The following TP63 variants were observed in gnomAD, a reference collection of about 807,000 sequenced individuals.
The protein encoded by TP63 is tumor protein p63, also known as tumor protein 63.
TP63 carries 17 observed loss-of-function variants against 82.8 expected under a neutral mutation model. The observed-to-expected ratio is 0.21, with a 90% CI of 0.14 to 0.31. The LOEUF (loss-of-function observed/expected upper bound fraction) is 0.31, where lower values mean the gene tolerates loss of function less well. Ranked by LOEUF, TP63 falls within the 10% of genes least tolerant of loss-of-function variation. TP63 has a pLI of 1.00. For synonymous variants in TP63, 330 were observed against 321.7 expected, an observed-to-expected ratio of 1.03 and a Z score of -0.28; for missense variants, 648 against 895.3, an observed-to-expected ratio of 0.72 and a Z score of 3.52.
intron 1 of TP63, among the ~76,000 whole-genome samples, chr3:189,676,869 A>G (rs1246955945): frequency 6.6e-6 from 1 of 152,030 alleles, no homozygotes; most frequent in Non-Finnish European, 1.5e-5. Flanking sequence ...CCACCCCCCA[A>G]CATCAGTGGA....
intron 10 of TP63, among the ~76,000 whole-genome samples, chr3:189,874,432 AC>A (rs1718797617): frequency 6.6e-6 from 1 of 152,168 alleles, no homozygotes; most frequent in Non-Finnish European, 1.5e-5. Flanking sequence ...CTTTCTGAGC[AC>A]CTGTTATCTA....
At chr3:189,674,894 G>A (rs1384992709) in intron 1 of TP63, among the ~76,000 whole-genome samples, 1 of 152,070 alleles carries the variant, frequency 6.6e-6, no homozygotes, top group Non-Finnish European at 1.5e-5. Context: ...GTAAAAACGG[G>A]TTAGGTTTTC....
chr3:189,832,066 A>G (rs1410353924), intron 4 of TP63, among the ~76,000 whole-genome samples: 1 of 151,986 alleles, frequency 6.6e-6, no homozygotes, highest in African/African-American at 2.4e-5. Context: ...GCCTGACCTC[A>G]TCATCCACCT....
chr3:189,763,939 T>C (rs1284271492), intron 3 of TP63, among the ~76,000 whole-genome samples: 1 of 152,092 alleles, frequency 6.6e-6, no homozygotes, highest in African/African-American at 2.4e-5. Context: ...ATAAATTATA[T>C]GGGAATAAAC....
chr3:189,655,520 G>A (rs1164092517), intron 1 of TP63, among the ~76,000 whole-genome samples: 2 of 152,176 alleles, frequency 1.3e-5, no homozygotes, highest in East Asian at 3.9e-4. Context: ...TACTTGGGAG[G>A]CTGAGGAAAG....
intron 1 of TP63, among the ~76,000 whole-genome samples, chr3:189,661,073 T>G (rs903587080): frequency 6.6e-6 from 1 of 152,068 alleles, no homozygotes; most frequent in African/African-American, 2.4e-5. Flanking sequence ...ATTTCTCTCT[T>G]GCCTGATTGC....
At chr3:189,610,596 A>G in the TP63 span, among the ~76,000 whole-genome samples, 6 of 152,328 alleles carry the variant, frequency 3.9e-5, no homozygotes, top group African/African-American at 1.2e-4. Context: ...AAAGCCATTC[A>G]TCAAGTCTCT....
At chr3:189,722,471 A>G (rs1258119181) in intron 1 of TP63, among the ~76,000 whole-genome samples, 1 of 152,234 alleles carries the variant, frequency 6.6e-6, no homozygotes, top group Non-Finnish European at 1.5e-5. Flanking sequence ...GCTCAGGGGA[A>G]TCAACCCCTT....
chr3:189,870,670 A>G (rs1718311336), intron 9 of TP63, among the ~76,000 whole-genome samples: 1 of 152,196 alleles, frequency 6.6e-6, no homozygotes, highest in Admixed American at 6.5e-5. Context: ...CTTCTCTTGC[A>G]ATCACTAATG....
chr3:189,690,064 A>G (rs1244678668), intron 1 of TP63, among the ~76,000 whole-genome samples: 1 of 152,186 alleles, frequency 6.6e-6, no homozygotes, highest in Non-Finnish European at 1.5e-5. Flanking sequence ...TTGGACTTTG[A>G]ATAAGATGAC....
rs531955940 is a variant in TP63 at position 189,834,938 on chromosome 3, G to A, written c.579+26412G>A. On this transcript the variant is annotated intron_variant, in intron 4 of 13. Transcript: ENST00000264731. The stretch of plus-strand genomic sequence containing the variant: ...ATGTCAAACGGTACATTTTTTCTAA[G>A]CTTGAAGACAGAGAACTGGGTCATA... Among the ~76,000 whole-genome samples the A allele has an allele frequency of 4.4e-5, 6 of 136,164 alleles. No homozygotes were observed. In the Admixed American group the frequency reaches 4.6e-4, roughly 11 times the overall value. 89.3% of individuals were successfully genotyped at this position (136,164 alleles called of 152,430 possible).
intron 3 of TP63, among the ~76,000 whole-genome samples, chr3:189,762,442 C>G (rs184696181): frequency 1.3e-5 from 2 of 151,988 alleles, no homozygotes; most frequent in African/African-American, 4.8e-5. Context: ...AGTCCTCAGG[C>G]CCAAAGGTAT....
chr3:189,628,217 G>A (rs776641834), upstream of TP63, among the ~76,000 whole-genome samples: 56 of 152,098 alleles, frequency 3.7e-4, 1 homozygote, highest in Non-Finnish European at 7.5e-4. Flanking sequence ...AAAAAAGAGG[G>A]AGAATTTTTG....
Position 189,858,335 on chromosome 3 carries a change from G to A in TP63, c.580-5897G>A, listed in dbSNP as rs552007885. Among the ~76,000 whole-genome samples, 36 of 19,928 alleles carry A rather than the reference G, an allele frequency of 1.8e-3. 9 individuals are homozygous for A. In the South Asian group the frequency reaches 0.044, roughly 24 times the overall value. The allele number at this position is 19,928 out of a possible 152,430, so 13.1% of individuals were successfully genotyped here. On this transcript the variant is annotated intron_variant, in intron 4 of 13. Transcript: ENST00000264731. ...CAGGAGAATGGCGTGAACCCCAGGGGGCGGAGCCTGCAGTGAGCCGAGATT... is the reference window on the plus strand; with the variant it reads ...CAGGAGAATGGCGTGAACCCCAGGGAGCGGAGCCTGCAGTGAGCCGAGATT...
At chr3:189,662,324 C>T (rs1713956576) in intron 1 of TP63, among the ~76,000 whole-genome samples, 2 of 151,974 alleles carry the variant, frequency 1.3e-5, no homozygotes, top group African/African-American at 4.8e-5. Flanking sequence ...GTTGTTTACC[C>T]AGAAGTCATT....
At chr3:189,776,828 C>A (rs1723838982) in intron 3 of TP63, among the ~76,000 whole-genome samples, 1 of 152,132 alleles carries the variant, frequency 6.6e-6, no homozygotes, top group South Asian at 2.1e-4. Context: ...CTTCTCTACG[C>A]AGGATAAGAG....
chr3:189,680,609 G>A (rs985000183), intron 1 of TP63, among the ~76,000 whole-genome samples: 1 of 152,162 alleles, frequency 6.6e-6, no homozygotes, highest in Non-Finnish European at 1.5e-5. Context: ...CTTACCACAA[G>A]AATCACAAGG....
chr3:189,659,097 G>T (rs1713649232), intron 1 of TP63, among the ~76,000 whole-genome samples: 1 of 151,340 alleles, frequency 6.6e-6, no homozygotes, highest in African/African-American at 2.4e-5. Flanking sequence ...AGATTCATGG[G>T]GTACATGTGC....
chr3:189,642,219 T>C lies in TP63; in HGVS notation c.62+10642T>C, dbSNP rs967919884. ...GTTTTGATTAGCACTTTTTATTAACTAGGACTTCCGTATTAACTACGGAAA... is the reference window on the plus strand; with the variant it reads ...GTTTTGATTAGCACTTTTTATTAACCAGGACTTCCGTATTAACTACGGAAA... On this transcript the variant is annotated intron_variant, in intron 1 of 13. Coordinates refer to ENST00000264731, the MANE Select transcript of TP63 (RefSeq NM_003722.5). 3.9e-5 allele frequency among the ~76,000 whole-genome samples: 6 copies of C among 152,348 alleles called. No individual in the cohort carries two copies. In the Middle Eastern group the frequency reaches 0.01, roughly 259 times the overall value.
Sources: allele counts gnomAD v4.1 joint callset (sites outside exome capture counted in the v4.1 genomes callset), GRCh38; gene constraint gnomAD v4.1.1; transcripts MANE v1.5; gene names NCBI Gene and HGNC (gene_info 2026-07-23, HGNC 2026-07-21).